GAB2: variants seen among roughly 807,000 people sequenced by gnomAD.
GAB2 encodes the protein GRB2 associated binding protein 2, also known as GRB2-associated-binding protein 2.
GAB2 carries 26 observed loss-of-function variants against 65.5 expected under a neutral mutation model. The observed-to-expected ratio is 0.40, with a 90% CI of 0.29 to 0.55. GAB2 has a LOEUF of 0.55. GAB2 is among the 20% of genes least tolerant of loss of function. The probability of loss-of-function intolerance (pLI) is 0.53; values close to 1 mark genes in which losing one functional copy is unlikely to be tolerated. For synonymous variants in GAB2, 321 were observed against 329.6 expected (o/e 0.97, Z 0.28); for missense variants, 884 against 875.8 (o/e 1.01, Z -0.12).
rs1208817147 is a variant in GAB2 at position 78,297,207 on chromosome 11, G to C, written c.76-16306C>G. Among the ~76,000 whole-genome samples, 9 of 152,068 alleles carry C rather than the reference G, an allele frequency of 5.9e-5. 1 individual carries two copies. The highest frequency in any genetic ancestry group is 5.9e-4 in the Admixed American group (9 of 15,268). ...TACTCAAATGATAAAGGTAAGTTTG[G>C]TGACGTTTATGTCGGGAGGATGAGA... On this transcript the variant is annotated intron_variant, in intron 1 of 9. Coordinates refer to ENST00000361507, the MANE Select transcript of GAB2 (RefSeq NM_080491.3).
chr11:78,299,819 C>G (rs1262536353), intron 1 of GAB2, among the ~76,000 whole-genome samples: 1 of 152,146 alleles, frequency 6.6e-6, no homozygotes, highest in Non-Finnish European at 1.5e-5. Context: ...CATTCCCATA[C>G]AGAGACTTCC....
intron 1 of GAB2, among the ~76,000 whole-genome samples, chr11:78,313,603 C>T (rs774829148): frequency 6.6e-6 from 1 of 152,200 alleles, no homozygotes; most frequent in Non-Finnish European, 1.5e-5. Flanking sequence ...TTCATTTGTT[C>T]AGGGTACACC....
At chr11:78,233,355 G>T (rs1590951524) in intron 3 of GAB2, among the ~76,000 whole-genome samples, 1 of 152,246 alleles carries the variant, frequency 6.6e-6, no homozygotes, top group African/African-American at 2.4e-5. Flanking sequence ...TTTTATTTTA[G>T]CCCTTCCAGC....
intron 1 of GAB2, among the ~76,000 whole-genome samples, chr11:78,391,444 C>T (rs567680265): frequency 1.2e-4 from 19 of 152,312 alleles, no homozygotes; most frequent in Admixed American, 6.5e-5. Flanking sequence ...CAAAGTAACA[C>T]TATGTGACTT....
intron 1 of GAB2, among the ~76,000 whole-genome samples, chr11:78,327,431 G>T (rs1204928589): frequency 1.3e-5 from 2 of 152,120 alleles, no homozygotes; most frequent in Non-Finnish European, 2.9e-5. Flanking sequence ...CTTAAAGGAT[G>T]AACAATATTC....
At chr11:78,363,576 A>AAT (rs1321501343) in intron 1 of GAB2, among the ~76,000 whole-genome samples, 1 of 151,554 alleles carries the variant, frequency 6.6e-6, no homozygotes, top group African/African-American at 2.4e-5. Context: ...GATAAATAGA[A>AAT]ATATATTTTC....
At chr11:78,411,859 G>C (rs962296984) in intron 1 of GAB2, among the ~76,000 whole-genome samples, 9 of 152,040 alleles carry the variant, frequency 5.9e-5, no homozygotes, top group Admixed American at 5.9e-4. Context: ...GTGAAACCCT[G>C]TCTCTACTAA....
intron 1 of GAB2, among the ~76,000 whole-genome samples, chr11:78,392,860 G>A (rs1856851610): frequency 6.6e-6 from 1 of 152,170 alleles, no homozygotes; most frequent in African/African-American, 2.4e-5. Flanking sequence ...TGCAGCCTCT[G>A]ACACTGCCCC....
intron 2 of GAB2, 137 bp from the exon 3 acceptor site, chr11:78,250,537 CTGCCCCT>C: frequency 1.4e-6 from 1 of 714,566 alleles, no homozygotes; most frequent in South Asian, 1.8e-5. Context: ...TCTCATATAC[CTGCCCCT>C]TGCTGCCCTC....
At chr11:78,412,058 C>CAAA (rs940082664) in intron 1 of GAB2, among the ~76,000 whole-genome samples, 2 of 149,410 alleles carry the variant, frequency 1.3e-5, no homozygotes, top group African/African-American at 4.9e-5. Context: ...ACAACAACAA[C>CAAA]AAAGAGAATC....
intron 1 of GAB2, among the ~76,000 whole-genome samples, chr11:78,412,840 T>C (rs552405119): frequency 2.6e-5 from 4 of 152,216 alleles, no homozygotes; most frequent in African/African-American, 7.2e-5. Context: ...GGTCTAAGCA[T>C]AGTGCCTGGT....
At chr11:78,396,248 G>C (rs1398605926) in intron 1 of GAB2, among the ~76,000 whole-genome samples, 1 of 152,188 alleles carries the variant, frequency 6.6e-6, no homozygotes, top group Non-Finnish European at 1.5e-5. Flanking sequence ...TAGGAAAAAA[G>C]TATGGGACAC....
intron 1 of GAB2, among the ~76,000 whole-genome samples, chr11:78,286,714 A>G (rs550882545): frequency 4.5e-4 from 69 of 152,352 alleles, no homozygotes; most frequent in Middle Eastern, 6.8e-3. Flanking sequence ...AAAGATGTGT[A>G]ATAGATTCTC....
At chr11:78,361,652 G>C (rs1856436753) in intron 1 of GAB2, among the ~76,000 whole-genome samples, 1 of 152,074 alleles carries the variant, frequency 6.6e-6, no homozygotes, top group African/African-American at 2.4e-5. Flanking sequence ...ACTTACAAAA[G>C]GAATACAAAT....
intron 1 of GAB2, among the ~76,000 whole-genome samples, chr11:78,304,906 A>C (rs4128206): frequency 0.3 from 44,967 of 152,028 alleles, 8,605 homozygotes; most frequent in African/African-American, 0.54. Context: ...ACATTCCAGG[A>C]AAAGCAAACT....
chr11:78,396,023 A>G (rs1237544437), intron 1 of GAB2, among the ~76,000 whole-genome samples: 1 of 152,246 alleles, frequency 6.6e-6, no homozygotes, highest in Admixed American at 6.5e-5. Flanking sequence ...CGACTACCTG[A>G]ATCATCTTGC....
At chr11:78,407,464 C>T (rs553732931) in intron 1 of GAB2, among the ~76,000 whole-genome samples, 2 of 151,980 alleles carry the variant, frequency 1.3e-5, no homozygotes, top group Middle Eastern at 3.4e-3. Flanking sequence ...AACCCTGTCT[C>T]TACCAAAAAT....
intron 2 of GAB2, among the ~76,000 whole-genome samples, chr11:78,265,651 G>A (rs192122881): frequency 2.2e-3 from 332 of 152,164 alleles, no homozygotes; most frequent in African/African-American, 7.7e-3. Flanking sequence ...TATCTCTTCA[G>A]CCTAGTTAGT....
At chr11:78,416,301 T>C (rs539323512) in intron 1 of GAB2, among the ~76,000 whole-genome samples, 7 of 152,278 alleles carry the variant, frequency 4.6e-5, no homozygotes, top group African/African-American at 1.7e-4. Flanking sequence ...CCAGCAAACA[T>C]CTACCTAAGA....
Sources: gnomAD v4.1 joint callset for allele counts (sites outside exome capture counted in the v4.1 genomes callset) on GRCh38, gnomAD v4.1.1 for gene constraint, MANE v1.5 for transcripts, NCBI Gene and HGNC (gene_info 2026-07-23, HGNC 2026-07-21) for gene names.